Variants in MYO3A observed in about 807,000 individuals in gnomAD.
The protein encoded by MYO3A is myosin IIIA, also known as myosin-IIIa.
Under a neutral mutation model 192.7 loss-of-function variants are expected in MYO3A, and 180 were observed. The observed-to-expected ratio is 0.93, with a 90% CI of 0.83 to 1.06. The LOEUF (loss-of-function observed/expected upper bound fraction) is 1.06. MYO3A is among the 50% of genes least tolerant of loss of function. The pLI, the probability that MYO3A is intolerant of heterozygous loss-of-function variation, is 0.00. For missense variants in MYO3A, 1,896 were observed against 1,905.0 expected (o/e 1.00, Z 0.09); for synonymous variants, 628 against 645.3 (o/e 0.97, Z 0.41).
chr10:26,122,618 G>T lies in MYO3A; in HGVS notation c.1903+1816G>T, dbSNP rs184839839. On this transcript the variant is annotated intron_variant, in intron 18 of 34. Coordinates refer to ENST00000642920, the MANE Select transcript of MYO3A (RefSeq NM_017433.5). Reference sequence around the variant, plus strand: ...CACATCAAGAATTGATTTTTTCCAGGTCATTCTCCACAATTCTTTCAGAAA... The same window carrying T: ...CACATCAAGAATTGATTTTTTCCAGTTCATTCTCCACAATTCTTTCAGAAA... Among the ~76,000 whole-genome samples, 473 of 152,120 alleles carry T rather than the reference G, an allele frequency of 3.1e-3. 2 individuals carry two copies. The highest frequency in any genetic ancestry group is 0.011 in the African/African-American group (451 of 41,502).
chr10:26,015,706 C>T (rs1841948366), intron 6 of MYO3A, among the ~76,000 whole-genome samples: 1 of 152,100 alleles, frequency 6.6e-6, no homozygotes, highest in Non-Finnish European at 1.5e-5. Flanking sequence ...TAAATTCCTT[C>T]CTCTGTCACT....
chr10:26,085,035 C>CA (rs1427437998), intron 14 of MYO3A, among the ~76,000 whole-genome samples: 2 of 152,212 alleles, frequency 1.3e-5, no homozygotes, highest in East Asian at 3.9e-4. Context: ...CCAGGCTACC[C>CA]AAATTGCTTG....
chr10:25,978,816 T>A (rs1839121527), intron 4 of MYO3A, among the ~76,000 whole-genome samples: 1 of 152,222 alleles, frequency 6.6e-6, no homozygotes, highest in Non-Finnish European at 1.5e-5. Flanking sequence ...AGAATTTGTT[T>A]ATATGCTTTA....
At chr10:25,940,780 G>T (rs562766838) in intron 2 of MYO3A, among the ~76,000 whole-genome samples, 1 of 152,058 alleles carries the variant, frequency 6.6e-6, no homozygotes, top group African/African-American at 2.4e-5. Flanking sequence ...TGAAAAACCA[G>T]CAATCATTCC....
chr10:26,193,625 C>T (rs1238549377), intron 32 of MYO3A, among the ~76,000 whole-genome samples: 1 of 152,148 alleles, frequency 6.6e-6, no homozygotes, highest in African/African-American at 2.4e-5. Context: ...AGCAGGAGCT[C>T]TCCAGAGAGG....
intron 6 of MYO3A, among the ~76,000 whole-genome samples, chr10:25,999,696 A>G (rs1840662780): frequency 6.6e-6 from 1 of 152,216 alleles, no homozygotes; most frequent in Non-Finnish European, 1.5e-5. Flanking sequence ...AAGATCTTAG[A>G]TAGCTGTCAG....
intron 6 of MYO3A, among the ~76,000 whole-genome samples, chr10:26,000,098 T>C (rs994448596): frequency 1.3e-5 from 2 of 152,194 alleles, no homozygotes; most frequent in Non-Finnish European, 2.9e-5. Context: ...GACTACCTTG[T>C]TCAGTATCTC....
chr10:26,188,242 G>A (rs1842955704), intron 31 of MYO3A, among the ~76,000 whole-genome samples: 1 of 152,228 alleles, frequency 6.6e-6, no homozygotes, highest in African/African-American at 2.4e-5. Flanking sequence ...CTGATGGCCA[G>A]TGATGATGAG....
intron 17 of MYO3A, among the ~76,000 whole-genome samples, chr10:26,102,832 A>T (rs1352527467): frequency 2.0e-5 from 3 of 152,198 alleles, no homozygotes; most frequent in African/African-American, 7.2e-5. Context: ...TCTCCTGGTT[A>T]GGCTACTCAG....
At position 26,006,536 on chromosome 10, in the gene MYO3A, T is replaced by C. The variant is rs57276419; in HGVS notation, c.508+9278T>C. Among the ~76,000 whole-genome samples, 1,040 of 152,070 alleles carry C rather than the reference T, an allele frequency of 6.8e-3. 18 individuals carry two copies. Among genetic ancestry groups the C allele is most frequent in the African/African-American group, 0.024 (987 of 41,470 alleles). On this transcript the variant is annotated intron_variant, in intron 6 of 34. Coordinates refer to ENST00000642920, the MANE Select transcript of MYO3A (RefSeq NM_017433.5). The stretch of plus-strand genomic sequence containing the variant: ...AGAATCAAATAGATGCAATAAAAAA[T>C]GATAAAGGGGATATCACCACCAATC...
At chr10:25,953,574 G>T (rs1166552791) in intron 3 of MYO3A, among the ~76,000 whole-genome samples, 1 of 152,042 alleles carries the variant, frequency 6.6e-6, no homozygotes, top group East Asian at 1.9e-4. Context: ...AGGGATTCAG[G>T]TGTGTGGCAG....
At chr10:26,016,991 T>G in intron 7 of MYO3A, 95 bp downstream of exon 7, 1 of 1,288,956 alleles carries the variant, frequency 7.8e-7, no homozygotes, top group Middle Eastern at 1.8e-4. Flanking sequence ...TTTTGGAATA[T>G]AACAGAAGAA....
At chr10:26,006,750 A>G (rs1023319387) in intron 6 of MYO3A, among the ~76,000 whole-genome samples, 19 of 149,720 alleles carry the variant, frequency 1.3e-4, no homozygotes, top group Non-Finnish European at 2.4e-4. Flanking sequence ...TAGCTTACCA[A>G]CCAAAAAGAG....
intron 10 of MYO3A, among the ~76,000 whole-genome samples, chr10:26,036,456 C>T (rs916699223): frequency 6.6e-6 from 1 of 151,942 alleles, no homozygotes; most frequent in African/African-American, 2.4e-5. Context: ...TGGAGTTTGC[C>T]TATGTTATTA....
chr10:26,149,024 CA>C (rs1177661493), intron 23 of MYO3A, among the ~76,000 whole-genome samples: 2 of 152,110 alleles, frequency 1.3e-5, no homozygotes, highest in African/African-American at 4.8e-5. Context: ...GTGTTGAACA[CA>C]GGACAGGTTG....
chr10:25,965,798 G>A (rs1838219094), intron 4 of MYO3A, among the ~76,000 whole-genome samples: 1 of 152,052 alleles, frequency 6.6e-6, no homozygotes. Flanking sequence ...AGTTGAGCTT[G>A]CCCTACTTTT....
rs1367656584 is a variant in MYO3A, at chr10:26,174,124, C to G, written c.3860C>G (p.Pro1287Arg). 2.5e-6 allele frequency: 4 copies of G among 1,614,170 alleles called. No individual in the cohort carries two copies. The highest frequency in any genetic ancestry group is 3.4e-6 in the Non-Finnish European group (4 of 1,180,034). Residue 1287 changes from proline to arginine, a missense_variant, in exon 30 of 35, where the codon CCT (proline) becomes CGT (arginine). Physicochemically the swap from Pro to Arg is moderately radical, Grantham distance 103. Transcript: ENST00000642920. ...ACTTCCTTTAAAAAAACTTTGGAAC[C>G]TACACTTAGCCAAAGGTCAATTTAT... is the stretch of plus-strand genomic sequence containing the variant. ...NETSFKKTLEPTLSQRSIYQN... is the reference protein window; with the variant it reads ...NETSFKKTLERTLSQRSIYQN...
intron 14 of MYO3A, among the ~76,000 whole-genome samples, chr10:26,074,919 A>G (rs1588905875): frequency 6.6e-6 from 1 of 152,146 alleles, no homozygotes; most frequent in East Asian, 1.9e-4. Context: ...TTTTTTGTGT[A>G]TGGTATAAGA....
intron 17 of MYO3A, among the ~76,000 whole-genome samples, chr10:26,119,832 T>G (rs900077874): frequency 3.3e-5 from 5 of 152,088 alleles, no homozygotes; most frequent in African/African-American, 1.2e-4. Context: ...AAAGAAGTAA[T>G]AACTACTATA....
Sources: gnomAD v4.1 joint callset for allele counts (sites outside exome capture counted in the v4.1 genomes callset) on GRCh38, gnomAD v4.1.1 for gene constraint, MANE v1.5 for transcripts, NCBI Gene and HGNC (gene_info 2026-07-23, HGNC 2026-07-21) for gene names.